Variants in AKAP6 observed in about 807,000 individuals in gnomAD.
AKAP6 encodes the protein A-kinase anchoring protein 6, also known as A-kinase anchor protein 6.
In AKAP6, 58 loss-of-function variants were observed where a neutral mutation model predicts 188.5. That is an observed-to-expected ratio of 0.31 (90% CI 0.25 to 0.38). The LOEUF (loss-of-function observed/expected upper bound fraction) is 0.38, where lower values mean the gene tolerates loss of function less well. Ranked by LOEUF, AKAP6 falls within the 10% of genes least tolerant of loss-of-function variation. The probability of loss-of-function intolerance (pLI) is 1.00; values close to 1 mark genes in which losing one functional copy is unlikely to be tolerated. For missense variants in AKAP6, 2,710 were observed against 2,740.0 expected (o/e 0.99, Z 0.24); for synonymous variants, 989 against 998.6 (o/e 0.99, Z 0.18).
chr14:32,728,417 T>C (rs748805275), intron 9 of AKAP6, among the ~76,000 whole-genome samples: 8 of 151,860 alleles, frequency 5.3e-5, no homozygotes, highest in Admixed American at 1.3e-4. Flanking sequence ...CAGTCAATCA[T>C]GCATATATGG....
rs371363203 is a variant in AKAP6 at position 32,718,772 on chromosome 14, T to C, written c.3001-13682T>C. Among the ~76,000 whole-genome samples, 38 of 152,308 alleles carry C rather than the reference T, an allele frequency of 2.5e-4. 2 individuals carry two copies. The South Asian group carries it at 7.2e-3, about 29-fold the overall frequency. On this transcript the variant is annotated intron_variant, in intron 9 of 13. Transcript: ENST00000280979. Reference sequence around the variant, plus strand: ...GATAAAGCAATCACACTGTACTCATTTCTGTGTACTAACACTGTATCTGGC... The same window carrying C: ...GATAAAGCAATCACACTGTACTCATCTCTGTGTACTAACACTGTATCTGGC...
At chr14:32,400,521 CT>C (rs1348679759) in intron 1 of AKAP6, among the ~76,000 whole-genome samples, 1 of 114,418 alleles carries the variant, frequency 8.7e-6, no homozygotes, top group Non-Finnish European at 1.6e-5. Flanking sequence ...TTTCCAGGTG[CT>C]TGGCGGCAGG....
At chr14:32,510,453 TATATATGTGTATATATATATATAC>T (rs1457206629) in intron 2 of AKAP6, among the ~76,000 whole-genome samples, 1,141 of 83,464 alleles carry the variant, frequency 0.014, 48 homozygotes, top group African/African-American at 0.05. Context: ...TATATATACA[TATATATGTGTATATATATATATAC>T]ATATATATAT....
chr14:32,343,152 C>G (rs932331996), intron 1 of AKAP6, among the ~76,000 whole-genome samples: 1 of 152,112 alleles, frequency 6.6e-6, no homozygotes, highest in Non-Finnish European at 1.5e-5. Context: ...TCAGTCCCAC[C>G]CCCACTAGCT....
At chr14:32,361,400 T>C (rs993349378) in intron 1 of AKAP6, among the ~76,000 whole-genome samples, 1 of 152,034 alleles carries the variant, frequency 6.6e-6, no homozygotes, top group Admixed American at 6.6e-5. Flanking sequence ...TGCAAAGGCA[T>C]GGAAGCATGG....
intron 12 of AKAP6, among the ~76,000 whole-genome samples, chr14:32,799,658 A>G (rs898423901): frequency 6.6e-6 from 1 of 152,060 alleles, no homozygotes. Context: ...TAATTTCATT[A>G]TGGTCGGAGA....
At chr14:32,519,977 A>C (rs950801921) in intron 2 of AKAP6, among the ~76,000 whole-genome samples, 1 of 152,216 alleles carries the variant, frequency 6.6e-6, no homozygotes, top group African/African-American at 2.4e-5. Flanking sequence ...GTAAAAGAAC[A>C]GAAATTATAA....
chr14:32,360,712 AGT>A (rs35969035), intron 1 of AKAP6, among the ~76,000 whole-genome samples: 7,586 of 135,920 alleles, frequency 0.056, 220 homozygotes, highest in South Asian at 0.092. Flanking sequence ...TTGGCCATTG[AGT>A]GTGTGTGTGT....
At chr14:32,373,233 G>A (rs1951685) in intron 1 of AKAP6, 140,839 of 152,034 alleles carry the variant, frequency 0.93, 65,586 homozygotes, top group East Asian at 1. Flanking sequence ...GGGAGACCAG[G>A]GTTTTATTAT....
intron 2 of AKAP6, among the ~76,000 whole-genome samples, chr14:32,449,455 G>GAGGTTGC (rs1172562984): frequency 6.7e-6 from 1 of 150,338 alleles, no homozygotes; most frequent in Non-Finnish European, 1.5e-5. Flanking sequence ...CCAGGAGGCA[G>GAGGTTGC]AGGTTGCAGT....
At chr14:32,770,079 TGACAGAG>T (rs1234343300) in intron 11 of AKAP6, among the ~76,000 whole-genome samples, 1 of 152,044 alleles carries the variant, frequency 6.6e-6, no homozygotes, top group African/African-American at 2.4e-5. Context: ...TTGAAAAGAG[TGACAGAG>T]GAAGTCAGTA....
chr14:32,350,397 G>A (rs1046592029), intron 1 of AKAP6, among the ~76,000 whole-genome samples: 4 of 151,934 alleles, frequency 2.6e-5, no homozygotes, highest in African/African-American at 9.7e-5. Context: ...GACATTCTAG[G>A]GATACTTGGC....
chr14:32,592,374 C>G (rs1044245853), intron 5 of AKAP6, among the ~76,000 whole-genome samples: 16 of 152,092 alleles, frequency 1.1e-4, no homozygotes, highest in Non-Finnish European at 2.4e-4. Context: ...GGTGGGGAAA[C>G]CAGTTAGGTG....
At chr14:32,663,660 T>C (rs1888799459) in intron 7 of AKAP6, among the ~76,000 whole-genome samples, 1 of 151,948 alleles carries the variant, frequency 6.6e-6, no homozygotes, top group Admixed American at 6.6e-5. Context: ...ATTCAAGGAA[T>C]TAAAATGGAA....
intron 2 of AKAP6, among the ~76,000 whole-genome samples, chr14:32,446,414 TA>T (rs1235147489): frequency 1.3e-5 from 2 of 152,212 alleles, no homozygotes; most frequent in African/African-American, 4.8e-5. Flanking sequence ...ATATGTAGGA[TA>T]CAAGGTTTCC....
At chr14:32,576,581 C>A (rs565647222) in intron 4 of AKAP6, among the ~76,000 whole-genome samples, 1 of 152,284 alleles carries the variant, frequency 6.6e-6, no homozygotes, top group African/African-American at 2.4e-5. Flanking sequence ...CAGACACAGA[C>A]ATTTGGGCTG....
chr14:32,366,329 T>G (rs1202969039), intron 1 of AKAP6, among the ~76,000 whole-genome samples: 1 of 152,236 alleles, frequency 6.6e-6, no homozygotes, highest in Non-Finnish European at 1.5e-5. Context: ...CTGAGCTTCA[T>G]GCTGAGGATT....
chr14:32,388,645 G>C (rs1888609802), intron 1 of AKAP6, among the ~76,000 whole-genome samples: 1 of 152,064 alleles, frequency 6.6e-6, no homozygotes, highest in South Asian at 2.1e-4. Flanking sequence ...TAACTTCCAT[G>C]TATTTGCATG....
At chr14:32,411,629 A>G (rs1889485126) in intron 1 of AKAP6, among the ~76,000 whole-genome samples, 1 of 152,076 alleles carries the variant, frequency 6.6e-6, no homozygotes, top group Admixed American at 6.6e-5. Flanking sequence ...ACAAGATGTC[A>G]TCAGTTTTTG....
Sources: gnomAD v4.1 joint callset for allele counts (sites outside exome capture counted in the v4.1 genomes callset) on GRCh38, gnomAD v4.1.1 for gene constraint, MANE v1.5 for transcripts, NCBI Gene and HGNC (gene_info 2026-07-23, HGNC 2026-07-21) for gene names.